TOGARAM1: variants seen among roughly 807,000 people sequenced by gnomAD.
TOGARAM1 encodes TOG array regulator of axonemal microtubules protein 1.
A neutral mutation model predicts 166.6 loss-of-function variants in TOGARAM1; 100 were observed. That is an observed-to-expected ratio of 0.60 (90% CI 0.51 to 0.71). TOGARAM1 has a LOEUF of 0.71. Ranked by LOEUF, TOGARAM1 falls within the 30% of genes least tolerant of loss-of-function variation. The pLI is 0.00. For synonymous variants in TOGARAM1, 758 were observed against 763.8 expected (o/e 0.99, Z 0.13); for missense variants, 2,029 against 2,102.7 (o/e 0.96, Z 0.69).
At chr14:44,972,837 G>A (rs1323568952) in intron 1 of TOGARAM1, among the ~76,000 whole-genome samples, 5 of 152,040 alleles carry the variant, frequency 3.3e-5, no homozygotes, top group African/African-American at 7.2e-5. Flanking sequence ...CTTGGAAACC[G>A]TGACTTTCAG....
chr14:44,987,607 A>G (rs1413827731), intron 1 of TOGARAM1, among the ~76,000 whole-genome samples: 2 of 151,070 alleles, frequency 1.3e-5, no homozygotes, highest in Admixed American at 1.3e-4. Flanking sequence ...AGGAAACAAC[A>G]GGTGCTGGAG....
intron 7 of TOGARAM1, among the ~76,000 whole-genome samples, chr14:45,016,469 CAGGAGTT>C (rs1880144790): frequency 6.6e-6 from 1 of 152,186 alleles, no homozygotes; most frequent in Admixed American, 6.5e-5. Flanking sequence ...ATCACGAGGT[CAGGAGTT>C]CCAGACCAAC....
At chr14:45,063,059 G>C (rs1178631886) in intron 16 of TOGARAM1, among the ~76,000 whole-genome samples, 1 of 152,118 alleles carries the variant, frequency 6.6e-6, no homozygotes, top group Non-Finnish European at 1.5e-5. Flanking sequence ...GAAATCATAT[G>C]ATATGTGGTC....
intron 16 of TOGARAM1, among the ~76,000 whole-genome samples, chr14:45,062,744 A>G (rs1265990106): frequency 6.6e-6 from 1 of 152,186 alleles, no homozygotes; most frequent in African/African-American, 2.4e-5. Context: ...CCAGTATAGG[A>G]TAATGTAAGT....
In TOGARAM1 at chr14:44,967,507, C is replaced by T. The variant is rs139050349; in HGVS notation, c.2046+3040C>T. Among the ~76,000 whole-genome samples, 20 of 152,228 alleles carry T rather than the reference C, an allele frequency of 1.3e-4. No individual in the cohort carries two copies. The Middle Eastern group carries it at 0.017, about 129-fold the overall frequency. On this transcript the variant is annotated intron_variant, in intron 1 of 19. Transcript: ENST00000361462. ...ACTTTTCTTAAATTAAGTCTTTTAT[C>T]TATGTAATTATTATTCAAACAGCAT...
intron 1 of TOGARAM1, among the ~76,000 whole-genome samples, chr14:44,984,151 A>G (rs1886669931): frequency 1.3e-5 from 2 of 152,220 alleles, no homozygotes; most frequent in African/African-American, 2.4e-5. Flanking sequence ...GTGTCTACAG[A>G]TAAATGTTAC....
intron 7 of TOGARAM1, among the ~76,000 whole-genome samples, chr14:45,012,309 G>C (rs940200658): frequency 2.6e-5 from 4 of 152,050 alleles, no homozygotes; most frequent in Non-Finnish European, 4.4e-5. Context: ...CATACCTATG[G>C]CTGGCTCCTA....
intron 1 of TOGARAM1, among the ~76,000 whole-genome samples, chr14:44,968,828 G>A (rs1490183038): frequency 1.3e-5 from 2 of 152,168 alleles, no homozygotes; most frequent in South Asian, 2.1e-4. Context: ...TTTGACAAAT[G>A]TATCCATGTC....
chr14:44,980,912 A>T (rs1886495267), intron 1 of TOGARAM1, among the ~76,000 whole-genome samples: 1 of 152,158 alleles, frequency 6.6e-6, no homozygotes, highest in Non-Finnish European at 1.5e-5. Context: ...AACCAATTAG[A>T]TACTTATTAG....
Position 45,071,789 on chromosome 14 carries a change from A to G in TOGARAM1, c.5047A>G (p.Lys1683Glu). Residue 1683 changes from lysine (K) to glutamate (E), a missense_variant, in exon 19 of 20, where the codon AAG becomes GAG. Coordinates refer to ENST00000361462, the MANE Select transcript of TOGARAM1 (RefSeq NM_001308120.2). Reference protein sequence around the residue: ...NGKAKQDMTEKLADIVTELYQ... With the variant: ...NGKAKQDMTEELADIVTELYQ... ...AAAAGCAAAACAGGACATGACGGAA[A>G]AGCTTGCTGGTAAATACTTTGTAAT... 6.2e-7 allele frequency: 1 copy of G among 1,610,010 alleles called. No individual in the cohort carries two copies. Among genetic ancestry groups the G allele is most frequent in the Non-Finnish European group, 8.5e-7 (1 of 1,178,600 alleles).
At chr14:45,061,299 A>G (rs759140982) in intron 16 of TOGARAM1, among the ~76,000 whole-genome samples, 64 of 152,280 alleles carry the variant, frequency 4.2e-4, no homozygotes, top group Non-Finnish European at 8.1e-4. Flanking sequence ...TGCCCCATCC[A>G]TTTACTTTCT....
In TOGARAM1 at chr14:44,963,697, G is replaced by A. The variant is rs755855059; in HGVS notation, c.1276G>A (p.Gly426Arg). ...CCTGCATTTACTGGTTATTCGCCTT[G>A]GAGAGCAGGTACAGCAGTTCTTGGG... ...EVLHLLVIRL[G>R]EQVQQFLGPV... The change falls in exon 1 of 20, where the codon GGA (glycine) becomes AGA (arginine). Residue 426 changes from glycine to arginine, a missense_variant. Gly to Arg is a moderately radical substitution (Grantham distance 125, BLOSUM62 -2). Around this residue, in one of 2 missense-constraint regions of TOGARAM1, gnomAD observed 1,453 missense variants for 1,432.2 expected, o/e 1.01. Transcript: ENST00000361462. The A allele has an allele frequency of 6.2e-7, 1 of 1,613,868 alleles. No individual in the cohort carries two copies. Among genetic ancestry groups the A allele is most frequent in the South Asian group, 1.1e-5 (1 of 91,088 alleles).
intron 1 of TOGARAM1, among the ~76,000 whole-genome samples, chr14:44,994,834 T>C (rs984988429): frequency 6.6e-6 from 1 of 152,216 alleles, no homozygotes; most frequent in African/African-American, 2.4e-5. Flanking sequence ...CATAATAGAC[T>C]TACCTTTAAT....
intron 16 of TOGARAM1, among the ~76,000 whole-genome samples, chr14:45,066,174 A>G (rs1233096756): frequency 6.6e-6 from 1 of 152,138 alleles, no homozygotes; most frequent in East Asian, 1.9e-4. Context: ...TACTTAGTAG[A>G]CAACATTTCA....
At chr14:45,003,482 T>C (rs934495142) in intron 3 of TOGARAM1, among the ~76,000 whole-genome samples, 7 of 150,784 alleles carry the variant, frequency 4.6e-5, no homozygotes, top group African/African-American at 1.5e-4. Flanking sequence ...TAAGTATAAA[T>C]TGGCAGAACT....
chr14:44,967,779 C>T (rs1885637320), intron 1 of TOGARAM1, among the ~76,000 whole-genome samples: 1 of 152,154 alleles, frequency 6.6e-6, no homozygotes, highest in South Asian at 2.1e-4. Flanking sequence ...CTGCAGTAGA[C>T]CTCAGATGGG....
intron 1 of TOGARAM1, among the ~76,000 whole-genome samples, chr14:44,978,985 A>G (rs951173718): frequency 2.0e-5 from 3 of 149,596 alleles, no homozygotes; most frequent in Non-Finnish European, 3.0e-5. Flanking sequence ...TTTTTTTTTT[A>G]ATGTCACTAA....
At chr14:45,003,936 T>C in intron 3 of TOGARAM1, 125 bp from the exon 4 acceptor site, 1 of 668,322 alleles carries the variant, frequency 1.5e-6, no homozygotes, top group South Asian at 2.4e-5. Context: ...CTTTACCTCA[T>C]ACCATACAAA....
chr14:45,024,064 T>TTAA (rs1880685127), intron 7 of TOGARAM1, among the ~76,000 whole-genome samples: 1 of 152,184 alleles, frequency 6.6e-6, no homozygotes. Context: ...TTTAAGACCC[T>TTAA]TAATAATCTT....
Sources: allele counts gnomAD v4.1 joint callset (sites outside exome capture counted in the v4.1 genomes callset), GRCh38; gene constraint gnomAD v4.1.1; regional missense constraint gnomAD v4.1.1; transcripts MANE v1.5; gene names NCBI Gene and HGNC (gene_info 2026-07-23, HGNC 2026-07-21).